The following DACT1 variants were observed in gnomAD, a reference collection of about 807,000 sequenced individuals.
DACT1 encodes the protein dapper homolog 1.
In DACT1, 19 loss-of-function variants were observed where a neutral mutation model predicts 35.3. The ratio of observed to expected loss-of-function variants is 0.54; its 90% CI spans 0.38 to 0.79. The LOEUF is 0.79. Among genes scored for constraint, DACT1 ranks in the 30% least tolerant of loss-of-function variants. The probability of loss-of-function intolerance (pLI) is 0.00; values close to 1 mark genes in which losing one functional copy is unlikely to be tolerated. For synonymous variants in DACT1, 545 were observed against 466.7 expected (o/e 1.17, Z -2.16); for missense variants, 1,143 against 1,057.5 (o/e 1.08, Z -1.12).
intron 1 of DACT1, among the ~76,000 whole-genome samples, chr14:58,639,666 C>A (rs575141242): frequency 6.6e-6 from 1 of 152,324 alleles, no homozygotes; most frequent in Non-Finnish European, 1.5e-5. Flanking sequence ...AGCAAACAAA[C>A]ATACAATTTA....
rs1331420644 is a variant in DACT1 at position 58,645,420 on chromosome 14, T to C, written c.686T>C (p.Val229Ala). ...CTGGTGTCTAAAAACGGGAATGATG[T>C]ATATCGCTATCCCAGTCCACTTCAT... ...CDLVSKNGND[V>A]YRYPSPLHAV... is the part of the protein sequence containing the mutation. Residue 229 changes from valine (V) to alanine (A), a missense_variant, in exon 4 of 4, where the codon GTA (valine) becomes GCA (alanine). Val to Ala is a moderately conservative substitution (Grantham distance 64). Coordinates refer to ENST00000395153, the MANE Select transcript of DACT1 (RefSeq NM_001079520.2). 5.0e-6 allele frequency: 8 copies of C among 1,614,202 alleles called. No homozygotes were observed. The Middle Eastern group carries it at 1.2e-3, about 233-fold the overall frequency.
chr14:58,646,753 T>C lies in DACT1; in HGVS notation c.2019T>C (p.Pro673=). 2 of 1,613,986 alleles carry C rather than the reference T, an allele frequency of 1.2e-6. No individual in the cohort carries two copies. The highest frequency in any genetic ancestry group is 1.7e-6 in the Non-Finnish European group (2 of 1,180,032). ...TGGGGCTGTACCCCGCGCCTGTGCC[T>C]CTGCCCTACGCCAGCCCCTACGCCT... ...ENVGLYPAPV[P]LPYASPYAYV... Residue 673 remains proline (P), a synonymous_variant, in exon 4 of 4, where the codon CCT becomes CCC. Transcript: ENST00000395153.
In DACT1 at chr14:58,647,392, GT is replaced by G; in HGVS notation, c.*264del. 2.1e-6 allele frequency: 1 copy of G among 468,714 alleles called. No homozygotes were observed. Among genetic ancestry groups the G allele is most frequent in the South Asian group, 2.9e-5 (1 of 33,974 alleles). 29.0% of individuals were successfully genotyped at this position (468,714 alleles called of 1,614,324 possible). On this transcript the variant is annotated 3_prime_UTR_variant, in exon 4 of 4. Transcript: ENST00000395153. ...GATAGTGAGTTTTGTGGCACCAGCT[GT>G]TTTTTATTTTAAACTTTCTGAGCAT...
rs2047669143 is a variant in DACT1 at position 58,645,750 on chromosome 14, T to G, written c.1016T>G (p.Val339Gly). 6.2e-7 allele frequency: 1 copy of G among 1,614,234 alleles called. No homozygotes were observed. The highest frequency in any genetic ancestry group is 8.5e-7 in the Non-Finnish European group (1 of 1,180,024). The part of the protein sequence containing the change: ...PTKGLLRNGS[V>G]CVRAPGGVSQ... ...AAAGGGCTTCTGAGGAACGGGAGCG[T>G]TTGTGTCAGAGCCCCGGGCGGTGTC... Residue 339 changes from valine (V) to glycine (G), a missense_variant, in exon 4 of 4, where the codon GTT (valine) becomes GGT (glycine). This residue lies in a region of DACT1 where 1,054 missense variants were observed against 958.8 expected (regional missense o/e 1.10). Transcript: ENST00000395153.
In DACT1 at chr14:58,646,368, C is replaced by G; in HGVS notation, c.1634C>G (p.Ser545Cys). 1 of 1,605,312 alleles carries G rather than the reference C, an allele frequency of 6.2e-7. No homozygotes were observed. The highest frequency in any genetic ancestry group is 8.5e-7 in the Non-Finnish European group (1 of 1,177,960). ...AGGAACATGGGCGTCGTGAAGAACT[C>G]CAGCCTGAAGCACCGCGGCCCAGCC... ...GHRNMGVVKNSSLKHRGPALQ... is the reference protein window; with the variant it reads ...GHRNMGVVKNCSLKHRGPALQ... Residue 545 changes from serine to cysteine, a missense_variant, in exon 4 of 4, where the codon TCC becomes TGC. Coordinates refer to ENST00000395153, the MANE Select transcript of DACT1 (RefSeq NM_001079520.2).
In DACT1 at chr14:58,647,341, G is replaced by A. The variant is rs979584768; in HGVS notation, c.*207G>A. On this transcript the variant is annotated 3_prime_UTR_variant, in exon 4 of 4. Coordinates refer to ENST00000395153, the MANE Select transcript of DACT1 (RefSeq NM_001079520.2). ...GTAAAGAATGTTTTGCTAGTTAGAA[G>A]TACATATTGAGGTTTTAATGGTGGT... 9.5e-6 allele frequency: 6 copies of A among 632,554 alleles called. No homozygotes were observed. In the Admixed American group the frequency reaches 1.4e-4, roughly 15 times the overall value. The allele number at this position is 632,554 out of a possible 1,614,324, so 39.2% of individuals were successfully genotyped here.
intron 1 of DACT1, chr14:58,639,303 C>CTT: frequency 1.0e-6 from 1 of 973,606 alleles, no homozygotes; most frequent in African/African-American, 1.8e-5. Context: ...GTGTCTCAGT[C>CTT]TTTCTATGCA....
At chr14:58,644,127 T>C (rs1335468494) in intron 3 of DACT1, among the ~76,000 whole-genome samples, 1 of 152,316 alleles carries the variant, frequency 6.6e-6, no homozygotes, top group East Asian at 1.9e-4. Flanking sequence ...GGTCATTAAA[T>C]GGATTTGTTA....
intron 3 of DACT1, among the ~76,000 whole-genome samples, chr14:58,643,709 T>C (rs1266873872): frequency 6.6e-6 from 1 of 152,180 alleles, no homozygotes; most frequent in East Asian, 1.9e-4. Context: ...GCACCAGGCC[T>C]TGGGGGCTAG....
chr14:58,646,771 C>T lies in DACT1; in HGVS notation c.2037C>T (p.Pro679=), dbSNP rs573183444. The change falls in exon 4 of 4, where the codon CCC becomes CCT. Residue 679 remains proline (P), a synonymous_variant. Transcript: ENST00000395153. ...PAPVPLPYAS[P]YAYVASDSEY... is the part of the protein sequence containing the mutation. ...CTGTGCCTCTGCCCTACGCCAGCCC[C>T]TACGCCTACGTGGCTAGCGACTCCG... 3 of 1,614,170 alleles carry T rather than the reference C, an allele frequency of 1.9e-6. No homozygotes were observed. The highest frequency in any genetic ancestry group is 2.2e-5 in the South Asian group (2 of 91,090).
At chr14:58,636,737 G>T (rs752262402), upstream of DACT1, among the ~76,000 whole-genome samples, 6 of 152,068 alleles carry the variant, frequency 3.9e-5, no homozygotes, top group Non-Finnish European at 8.8e-5. Context: ...TGACTTGCTG[G>T]ATTGAATTTC....
chr14:58,646,496 A>T lies in DACT1; in HGVS notation c.1762A>T (p.Lys588Ter). The T allele has an allele frequency of 6.4e-7, 1 of 1,562,618 alleles. No individual in the cohort carries two copies. The highest frequency in any genetic ancestry group is 8.6e-7 in the Non-Finnish European group (1 of 1,158,976). The change falls in exon 4 of 4, where the codon AAG becomes TAG. Residue 588 changes from lysine to a stop codon, truncating the protein, a stop_gained. Coordinates refer to ENST00000395153, the MANE Select transcript of DACT1 (RefSeq NM_001079520.2). LOFTEE classifies it high-confidence loss of function. ...TGACTTGGATACAAATAAGAAACTC[A>T]AGAAAGCCTCCTCCAAGGGGAGGAA... The part of the protein sequence containing the change: ...PDDLDTNKKL[K>*]KASSKGRKSG...
chr14:58,641,862 C>T lies in DACT1; in HGVS notation c.634+115C>T, dbSNP rs1036383387. ...GGAAAAATGAAGGTTCATCACTTTG[C>T]GGCATTTAGTGCCATACTTACATCT... On this transcript the variant is annotated intron_variant, in intron 3 of 3. Transcript: ENST00000395153. The T allele has an allele frequency of 9.9e-5, 100 of 1,013,230 alleles. No individual in the cohort carries two copies. The Admixed American group carries it at 1.0e-3, about 11-fold the overall frequency. The allele number at this position is 1,013,230 out of a possible 1,614,324, so 62.8% of individuals were successfully genotyped here.
chr14:58,640,594 G>T, intron 1 of DACT1, 142 bp from the exon 2 acceptor site: 1 of 870,372 alleles, frequency 1.1e-6, no homozygotes, highest in South Asian at 2.1e-5. Flanking sequence ...GAAGTTTTTC[G>T]TTACTTCAGG....
At chr14:58,641,108 A>G (rs1012355107) in intron 2 of DACT1, among the ~76,000 whole-genome samples, 2 of 152,216 alleles carry the variant, frequency 1.3e-5, no homozygotes, top group Non-Finnish European at 2.9e-5. Context: ...AATAAAAGCT[A>G]TTCAAATTTC....
chr14:58,638,878 G>A (rs1424332141), intron 1 of DACT1: 5 of 1,061,402 alleles, frequency 4.7e-6, no homozygotes, highest in Admixed American at 5.4e-5. Context: ...AGTTAGATGA[G>A]TATATGCCCT....
In DACT1 at chr14:58,638,133, C is replaced by T; in HGVS notation, c.-70C>T. 8.0e-7 allele frequency: 1 copy of T among 1,244,750 alleles called. No individual in the cohort carries two copies. The highest frequency in any genetic ancestry group is 1.0e-6 in the Non-Finnish European group (1 of 993,240). The allele number at this position is 1,244,750 out of a possible 1,614,324, so 77.1% of individuals were successfully genotyped here. On this transcript the variant is annotated 5_prime_UTR_variant, in exon 1 of 4. Transcript: ENST00000395153. The stretch of plus-strand genomic sequence containing the variant: ...GGCATGAGCCCACCCGCGGCCGCAG[C>T]CCTAGCGCCCTGCTCCTCCGCCTGG...
upstream of DACT1, chr14:58,637,914 G>A (rs1158439689): frequency 5.9e-6 from 1 of 169,546 alleles, no homozygotes; most frequent in East Asian, 1.7e-4. Context: ...GCGGGCGCCA[G>A]GCGGGGGTTT....
chr14:58,645,116 C>T, intron 3 of DACT1: 1 of 688,834 alleles, frequency 1.5e-6, no homozygotes, highest in South Asian at 1.9e-5. Context: ...GTAGCAGTAC[C>T]TACATGTGAA....
Sources: allele counts gnomAD v4.1 joint callset (sites outside exome capture counted in the v4.1 genomes callset), GRCh38; gene constraint gnomAD v4.1.1; regional missense constraint gnomAD v4.1.1; transcripts MANE v1.5; gene names NCBI Gene and HGNC (gene_info 2026-07-23, HGNC 2026-07-21).